Variants in PARP1 observed in about 807,000 individuals in gnomAD.
PARP1 encodes poly [ADP-ribose] polymerase 1.
A neutral mutation model predicts 118.7 loss-of-function variants in PARP1; 44 were observed. The ratio of observed to expected loss-of-function variants is 0.37; its 90% CI spans 0.29 to 0.48. PARP1 has a LOEUF of 0.48. Among genes scored for constraint, PARP1 ranks in the 20% least tolerant of loss-of-function variants. The pLI is 0.99. For synonymous variants in PARP1, 492 were observed against 483.2 expected, an observed-to-expected ratio of 1.02 and a Z score of -0.24; for missense variants, 1,100 against 1,272.4, an observed-to-expected ratio of 0.86 and a Z score of 2.06.
intron 22 of PARP1, 51 bp downstream of exon 22, chr1:226,361,918 T>C (rs761352411): frequency 2.7e-6 from 3 of 1,108,010 alleles, no homozygotes; most frequent in East Asian, 4.7e-5. Flanking sequence ...AGTGACTCTG[T>C]AGCTCGAGAA....
rs565470469 is a variant in PARP1 at position 226,363,830 on chromosome 1, T to C, written c.2786+113A>G. 3.4e-4 allele frequency: 383 copies of C among 1,125,846 alleles called. 2 individuals carry two copies. In the Middle Eastern group the frequency reaches 3.4e-3, roughly 10 times the overall value. The allele number at this position is 1,125,846 out of a possible 1,614,324, so 69.7% of individuals were successfully genotyped here. On this transcript the variant is annotated intron_variant, in intron 20 of 22. Coordinates refer to ENST00000366794, the MANE Select transcript of PARP1 (RefSeq NM_001618.4). Reference sequence around the variant, plus strand: ...TAAGAAAAGAATCCTAATTGGTGCGTCCAGTAACTGCAGTGGGGAATTTCT... The same window carrying C: ...TAAGAAAAGAATCCTAATTGGTGCGCCCAGTAACTGCAGTGGGGAATTTCT...
chr1:226,400,049 A>G (rs1664999898), intron 2 of PARP1, among the ~76,000 whole-genome samples: 1 of 152,212 alleles, frequency 6.6e-6, no homozygotes, highest in Non-Finnish European at 1.5e-5. Flanking sequence ...TTAAACAGAC[A>G]ATGGAACAGA....
chr1:226,388,548 C>T, intron 5 of PARP1, 108 bp downstream of exon 5: 1 of 803,812 alleles, frequency 1.2e-6, no homozygotes, highest in Admixed American at 1.8e-5. Flanking sequence ...CATCAATTTG[C>T]TAAAGGTCTT....
chr1:226,391,325 C>A (rs1010804321), intron 3 of PARP1, among the ~76,000 whole-genome samples: 3 of 152,204 alleles, frequency 2.0e-5, no homozygotes, highest in East Asian at 1.9e-4. Flanking sequence ...AGATGACACC[C>A]CCTAAGGAGT....
intron 21 of PARP1, among the ~76,000 whole-genome samples, chr1:226,362,426 T>TC (rs1459068781): frequency 6.6e-6 from 1 of 152,102 alleles, no homozygotes; most frequent in East Asian, 1.9e-4. Flanking sequence ...CCTCAGGTGA[T>TC]CCACCACACC....
chr1:226,396,270 C>T (rs893387880), intron 2 of PARP1, among the ~76,000 whole-genome samples: 2 of 151,952 alleles, frequency 1.3e-5, no homozygotes, highest in East Asian at 1.9e-4. Context: ...CGCCTGAACC[C>T]GGGAGACAGA....
intron 12 of PARP1, among the ~76,000 whole-genome samples, chr1:226,378,567 G>C (rs1420422400): frequency 6.6e-6 from 1 of 152,196 alleles, no homozygotes; most frequent in African/African-American, 2.4e-5. Flanking sequence ...GCCAGCTGGG[G>C]CTGGGTGCAG....
At position 226,368,282 on chromosome 1, in the gene PARP1, G is replaced by C. The variant is rs1664312961; in HGVS notation, c.2194C>G (p.Leu732Val). The change falls in exon 16 of 23, where the codon CTC becomes GTC. Residue 732 changes from leucine to valine, a missense_variant. Around this residue, in one of 2 missense-constraint regions of PARP1, gnomAD observed 948 missense variants for 1,031.8 expected, o/e 0.92. Coordinates refer to ENST00000366794, the MANE Select transcript of PARP1 (RefSeq NM_001618.4). Reference sequence around the variant, plus strand: ...ATCAGGGTGTAAAAGCGATTTGAGAGATCCAGGATCTGAGAGTCGCTGCTG... The same window carrying C: ...ATCAGGGTGTAAAAGCGATTTGAGACATCCAGGATCTGAGAGTCGCTGCTG... ...QGSSDSQILD[L>V]SNRFYTLIPH... 1 of 1,614,100 alleles carries C rather than the reference G, an allele frequency of 6.2e-7. No homozygotes were observed. The highest frequency in any genetic ancestry group is 1.3e-5 in the African/African-American group (1 of 74,934).
intron 3 of PARP1, among the ~76,000 whole-genome samples, chr1:226,391,868 G>T (rs1414920815): frequency 6.6e-6 from 1 of 152,036 alleles, no homozygotes; most frequent in Non-Finnish European, 1.5e-5. Flanking sequence ...CTCATAACAG[G>T]GTAAACACAC....
Position 226,363,176 on chromosome 1 carries a change from C to T in PARP1, c.2787-16G>A, listed in dbSNP as rs780699907. On this transcript the variant is annotated splice_polypyrimidine_tract_variant and intron_variant, in intron 20 of 22. Coordinates refer to ENST00000366794, the MANE Select transcript of PARP1 (RefSeq NM_001618.4). ...CAGTTCATACCTATTCAAAAGAGGA[C>T]AGTCTCAGAAGAGGCCTTCACACTG... is the stretch of plus-strand genomic sequence containing the variant. 1 of 1,603,748 alleles carries T rather than the reference C, an allele frequency of 6.2e-7. No homozygotes were observed. Among genetic ancestry groups the T allele is most frequent in the African/African-American group, 1.3e-5 (1 of 74,852 alleles).
At chr1:226,371,682 C>T (rs1176233233) in intron 14 of PARP1, among the ~76,000 whole-genome samples, 1 of 152,226 alleles carries the variant, frequency 6.6e-6, no homozygotes, top group Non-Finnish European at 1.5e-5. Flanking sequence ...TATGGACCCT[C>T]AATCAGCTCT....
intron 2 of PARP1, among the ~76,000 whole-genome samples, chr1:226,399,055 G>A (rs1467756279): frequency 2.0e-5 from 3 of 149,046 alleles, no homozygotes; most frequent in South Asian, 2.1e-4. Context: ...CTATCAATAC[G>A]ACAAGACATG....
At chr1:226,382,615 C>A (rs1383360988) in intron 8 of PARP1, among the ~76,000 whole-genome samples, 2 of 152,186 alleles carry the variant, frequency 1.3e-5, no homozygotes, top group African/African-American at 4.8e-5. Context: ...CAGCCTTGAC[C>A]TCCCAGGCTC....
At chr1:226,377,390 G>T in intron 12 of PARP1, 87 bp from the exon 13 acceptor site, 1 of 1,004,944 alleles carries the variant, frequency 1.0e-6, no homozygotes, top group Non-Finnish European at 1.6e-6. Flanking sequence ...TTACATTCAC[G>T]TGGGGAAGAA....
chr1:226,373,140 T>C (rs894675642), intron 14 of PARP1, among the ~76,000 whole-genome samples: 2 of 152,178 alleles, frequency 1.3e-5, no homozygotes, highest in African/African-American at 2.4e-5. Flanking sequence ...CAGTGGTTTA[T>C]ACTGCCCAGT....
Position 226,361,466 on chromosome 1 carries a change from C to G in PARP1, c.3039G>C (p.Leu1013=). The part of the protein sequence containing the change: ...LKLKFNFKTS[L]W ...ACTCGGCTACCTCTCCCAATTACCA[C>G]AGGGAGGTCTTAAAATTGAATTTCA... The change falls in exon 23 of 23, where the codon CTG becomes CTC. Residue 1013 remains leucine (L), a synonymous_variant. Transcript: ENST00000366794. 1.9e-6 allele frequency: 3 copies of G among 1,605,580 alleles called. No individual in the cohort carries two copies. Among genetic ancestry groups the G allele is most frequent in the Admixed American group, 1.7e-5 (1 of 60,014 alleles).
chr1:226,387,760 C>G (rs542702359), intron 5 of PARP1, among the ~76,000 whole-genome samples: 34 of 152,284 alleles, frequency 2.2e-4, no homozygotes, highest in African/African-American at 7.9e-4. Context: ...TTTTCTGACT[C>G]TCTATACATC....
Position 226,380,231 on chromosome 1 carries a change from TAC to T in PARP1, c.1301-69_1301-68del, listed in dbSNP as rs920697324. 4.0e-6 allele frequency: 6 copies of T among 1,484,836 alleles called. No homozygotes were observed. The African/African-American group carries it at 5.5e-5, about 14-fold the overall frequency. 92.0% of individuals were successfully genotyped at this position (1,484,836 alleles called of 1,614,324 possible). A position where few individuals can be genotyped will look rare whatever the true frequency, so the allele number is the denominator to read the frequency against. ...AAACAAAACTGAAACTTCAAATTAC[TAC>T]AGTTATATTTAGTGTGTACTTCCAA... On this transcript the variant is annotated intron_variant, in intron 9 of 22. Transcript: ENST00000366794.
chr1:226,402,079 T>C (rs1054611189), intron 2 of PARP1, 135 bp downstream of exon 2: 4 of 1,572,930 alleles, frequency 2.5e-6, no homozygotes, highest in Non-Finnish European at 3.5e-6. Context: ...TGAAATAACA[T>C]GGGCACCATA....
Sources: gnomAD v4.1 joint callset for allele counts (sites outside exome capture counted in the v4.1 genomes callset) on GRCh38, gnomAD v4.1.1 for gene constraint, gnomAD v4.1.1 regional missense constraint, MANE v1.5 for transcripts, NCBI Gene and HGNC (gene_info 2026-07-23, HGNC 2026-07-21) for gene names.